The following RSU1 variants were observed in gnomAD, a reference collection of about 807,000 sequenced individuals.
The protein encoded by RSU1 is Ras suppressor protein 1, also known as rsu-1.
Under a neutral mutation model 31.1 loss-of-function variants are expected in RSU1, and 26 were observed. That is an observed-to-expected ratio of 0.84 (90% CI 0.61 to 1.16). RSU1 has a LOEUF of 1.16. Ranked by LOEUF, RSU1 falls within the 50% of genes most tolerant of loss-of-function variation. The pLI, the probability that RSU1 is intolerant of heterozygous loss-of-function variation, is 0.00. For synonymous variants in RSU1, 164 were observed against 136.3 expected (o/e 1.20, Z -1.41); for missense variants, 320 against 339.1 (o/e 0.94, Z 0.44).
At chr10:16,673,115 T>C (rs756272107) in intron 8 of RSU1, among the ~76,000 whole-genome samples, 53 of 152,202 alleles carry the variant, frequency 3.5e-4, no homozygotes, top group Non-Finnish European at 6.5e-4. Flanking sequence ...TTTTGTACAT[T>C]TCCTTAGAGG....
At chr10:16,791,421 C>A (rs745901087) in intron 2 of RSU1, among the ~76,000 whole-genome samples, 17 of 152,066 alleles carry the variant, frequency 1.1e-4, no homozygotes, top group Non-Finnish European at 1.8e-4. Context: ...ACTGCCTGAG[C>A]TCAGGAGTTC....
chr10:16,772,483 A>C (rs1197649019), intron 3 of RSU1, among the ~76,000 whole-genome samples: 1 of 152,038 alleles, frequency 6.6e-6, no homozygotes, highest in Non-Finnish European at 1.5e-5. Flanking sequence ...AAAGAGCTTT[A>C]ATTGGGGAGC....
At chr10:16,682,815 C>G (rs1032656754) in intron 8 of RSU1, among the ~76,000 whole-genome samples, 3 of 151,794 alleles carry the variant, frequency 2.0e-5, no homozygotes, top group African/African-American at 7.3e-5. Context: ...CCACACAGGT[C>G]CCAGGATCCA....
intron 7 of RSU1, among the ~76,000 whole-genome samples, chr10:16,720,948 C>T (rs983270095): frequency 6.6e-6 from 1 of 152,124 alleles, no homozygotes; most frequent in Non-Finnish European, 1.5e-5. Context: ...GACTGCACCA[C>T]TGCACTCCAG....
chr10:16,735,644 C>T (rs573644952), intron 7 of RSU1, among the ~76,000 whole-genome samples: 15 of 152,254 alleles, frequency 9.9e-5, no homozygotes, highest in African/African-American at 2.4e-4. Flanking sequence ...GGGGAGGCCT[C>T]AGGAAACTTA....
At chr10:16,739,076 G>A (rs575608868) in intron 7 of RSU1, among the ~76,000 whole-genome samples, 203 of 152,266 alleles carry the variant, frequency 1.3e-3, no homozygotes, top group Non-Finnish European at 2.2e-3. Context: ...ATTCCATGGT[G>A]TATATGGACC....
chr10:16,747,646 A>T (rs142820430), intron 7 of RSU1, among the ~76,000 whole-genome samples: 51 of 152,302 alleles, frequency 3.3e-4, no homozygotes, highest in African/African-American at 1.2e-3. Flanking sequence ...CAGGATTGCA[A>T]TGATAGTCTC....
rs911715366 is a variant in RSU1 at position 16,694,948 on chromosome 10, T to C, written c.731+75A>G. The stretch of plus-strand genomic sequence containing the variant: ...CTGCCATCAATAGGATACTGTCACA[T>C]AATATTTTTAAAGGCGTAATTATAA... On this transcript the variant is annotated intron_variant, in intron 8 of 8. Coordinates refer to ENST00000345264, the MANE Select transcript of RSU1 (RefSeq NM_012425.4). 13 of 1,363,448 alleles carry C rather than the reference T, an allele frequency of 9.5e-6. No individual in the cohort carries two copies. The African/African-American group carries it at 1.6e-4, about 17-fold the overall frequency. 84.5% of individuals were successfully genotyped at this position (1,363,448 alleles called of 1,614,324 possible).
intron 8 of RSU1, among the ~76,000 whole-genome samples, chr10:16,641,027 C>A (rs530466735): frequency 7.0e-4 from 106 of 152,286 alleles, no homozygotes; most frequent in Non-Finnish European, 1.3e-3. Context: ...TCAGGCTCTA[C>A]GTCAGGAAAA....
chr10:16,635,926 GAAC>G (rs1424356073), intron 8 of RSU1, among the ~76,000 whole-genome samples: 1 of 152,134 alleles, frequency 6.6e-6, no homozygotes, highest in Non-Finnish European at 1.5e-5. Flanking sequence ...TGGGCAAAGC[GAAC>G]AACGTTTATC....
rs899791349 is a variant in RSU1 at position 16,721,002 on chromosome 10, T to TAAAC, written c.599-25851_599-25848dup. 3.3e-5 allele frequency among the ~76,000 whole-genome samples: 5 copies of TAAAC among 152,136 alleles called. No homozygotes were observed. The South Asian group carries it at 1.0e-3, about 32-fold the overall frequency. On this transcript the variant is annotated intron_variant, in intron 7 of 8. Coordinates refer to ENST00000345264, the MANE Select transcript of RSU1 (RefSeq NM_012425.4). Reference sequence around the variant, plus strand: ...ACCCTATCTCACATAAATAAATAAATAAACAAACAAATAAATAAATAAATA... The same window carrying TAAAC: ...ACCCTATCTCACATAAATAAATAAATAAACAAACAAACAAATAAATAAATAAATA...
intron 3 of RSU1, among the ~76,000 whole-genome samples, chr10:16,772,223 A>G (rs1482908887): frequency 3.3e-5 from 5 of 152,256 alleles, no homozygotes; most frequent in Non-Finnish European, 7.3e-5. Flanking sequence ...GATAAAGCCA[A>G]ACATGCAAAA....
chr10:16,745,426 C>G (rs1400125331), intron 7 of RSU1, among the ~76,000 whole-genome samples: 1 of 152,088 alleles, frequency 6.6e-6, no homozygotes, highest in Non-Finnish European at 1.5e-5. Flanking sequence ...CGAGACTGGG[C>G]AATTTACAAA....
chr10:16,768,660 T>C (rs1837367502), intron 3 of RSU1, among the ~76,000 whole-genome samples: 1 of 152,210 alleles, frequency 6.6e-6, no homozygotes, highest in Non-Finnish European at 1.5e-5. Context: ...TTCTGGACTT[T>C]GCAGCAGCAG....
intron 8 of RSU1, among the ~76,000 whole-genome samples, chr10:16,610,392 A>ATACTT (rs953010053): frequency 2.0e-5 from 3 of 152,180 alleles, no homozygotes; most frequent in Admixed American, 6.5e-5. Flanking sequence ...GTTACTTTTA[A>ATACTT]TACTTTAGAA....
intron 3 of RSU1, among the ~76,000 whole-genome samples, chr10:16,770,756 G>A (rs534804098): frequency 3.3e-5 from 5 of 152,362 alleles, no homozygotes; most frequent in African/African-American, 9.6e-5. Flanking sequence ...CTCACAGCCA[G>A]GGCCAGGACA....
intron 7 of RSU1, among the ~76,000 whole-genome samples, chr10:16,710,667 T>A (rs897401018): frequency 6.6e-6 from 1 of 152,062 alleles, no homozygotes; most frequent in Non-Finnish European, 1.5e-5. Flanking sequence ...TTTTTTTAAA[T>A]TTTTTTATTT....
intron 7 of RSU1, among the ~76,000 whole-genome samples, chr10:16,712,533 G>A (rs1377889253): frequency 6.6e-6 from 1 of 152,064 alleles, no homozygotes; most frequent in Non-Finnish European, 1.5e-5. Context: ...GCTAACATAA[G>A]AGTCTTGTAG....
chr10:16,782,999 C>T (rs1837688683), intron 2 of RSU1, among the ~76,000 whole-genome samples: 1 of 151,914 alleles, frequency 6.6e-6, no homozygotes, highest in Admixed American at 6.6e-5. Flanking sequence ...TAACCTCCGC[C>T]TCCCAGGTTC....
Sources: gnomAD v4.1 joint callset for allele counts (sites outside exome capture counted in the v4.1 genomes callset) on GRCh38, gnomAD v4.1.1 for gene constraint, MANE v1.5 for transcripts, NCBI Gene and HGNC (gene_info 2026-07-23, HGNC 2026-07-21) for gene names.